TMPRSS2: variants seen among roughly 807,000 people sequenced by gnomAD.
The protein encoded by TMPRSS2 is transmembrane protease serine 2.
Under a neutral mutation model 67.4 loss-of-function variants are expected in TMPRSS2, and 59 were observed. The observed-to-expected ratio is 0.88, with a 90% confidence interval of 0.71 to 1.09. The LOEUF is 1.09. Among genes scored for constraint, TMPRSS2 ranks in the 50% least tolerant of loss-of-function variants. The pLI is 0.00. For synonymous variants in TMPRSS2, 257 were observed against 257.0 expected, an observed-to-expected ratio of 1.00 and a Z score of 0.00; for missense variants, 668 against 642.7, an observed-to-expected ratio of 1.04 and a Z score of -0.43.
Position 41,494,346 on chromosome 21 carries a change from A to G in TMPRSS2, c.238+10T>C. The G allele has an allele frequency of 6.2e-7, 1 of 1,611,578 alleles. No homozygotes were observed. The highest frequency in any genetic ancestry group is 8.5e-7 in the Non-Finnish European group (1 of 1,179,398). On this transcript the variant is annotated intron_variant, in intron 3 of 13. Coordinates refer to ENST00000332149, the MANE Select transcript of TMPRSS2 (RefSeq NM_005656.4). ...TTTATTACAGGAAATAAACACAAAG[A>G]GAATCCTACTTGAGGTGCACACTGT... is the stretch of plus-strand genomic sequence containing the variant.
intron 11 of TMPRSS2, among the ~76,000 whole-genome samples, chr21:41,469,694 C>T (rs936916288): frequency 6.6e-6 from 1 of 152,134 alleles, no homozygotes; most frequent in African/African-American, 2.4e-5. Flanking sequence ...TTTGGAAGTA[C>T]CTCGCTCAGT....
rs373480225 is a variant in TMPRSS2, at chr21:41,503,320, C to T, written c.-57+4761G>A. 1.4e-4 allele frequency among the ~76,000 whole-genome samples: 21 copies of T among 152,250 alleles called. No homozygotes were observed. In the South Asian group the frequency reaches 1.4e-3, roughly 11 times the overall value. The stretch of plus-strand genomic sequence containing the variant: ...GCAGAGGCCCTCAGGTCACTCCAGG[C>T]GGAGACTTCAACACCACACACAAGC... On this transcript the variant is annotated intron_variant, in intron 1 of 13. Transcript: ENST00000332149.
rs757302454 is a variant in TMPRSS2 at position 41,471,816 on chromosome 21, C to A, written c.1065G>T (p.Leu355=). The change falls in exon 10 of 14, where the codon CTG becomes CTT. Residue 355 remains leucine, a synonymous_variant. Transcript: ENST00000332149. ...CTGAGCCACACGTACCGTTGAAAGT[C>A]AGAGGCTTCTGCAGCTTCATCAGCG... ...DIALMKLQKP[L]TFNDLVKPVC... 1.2e-5 allele frequency: 19 copies of A among 1,602,146 alleles called. No individual in the cohort carries two copies. Among genetic ancestry groups the A allele is most frequent in the Non-Finnish European group, 1.5e-5 (18 of 1,171,520 alleles).
In TMPRSS2 at chr21:41,476,663, G is replaced by A. The variant is rs1456356545; in HGVS notation, c.684-43C>T. ...GAAATTCTGGTCACGATAGTGCGGAGTCACCTGCCTCTCACATGCTTAGAA... is the reference window on the plus strand; with the variant it reads ...GAAATTCTGGTCACGATAGTGCGGAATCACCTGCCTCTCACATGCTTAGAA... On this transcript the variant is annotated intron_variant, in intron 7 of 13. Coordinates refer to ENST00000332149, the MANE Select transcript of TMPRSS2 (RefSeq NM_005656.4). 2.6e-6 allele frequency: 4 copies of A among 1,541,506 alleles called. No individual in the cohort carries two copies. The South Asian group carries it at 4.5e-5, about 17-fold the overall frequency.
chr21:41,472,679 C>T (rs971984545), intron 9 of TMPRSS2, among the ~76,000 whole-genome samples: 5 of 152,182 alleles, frequency 3.3e-5, no homozygotes, highest in Admixed American at 6.5e-5. Context: ...TTGAGTGAAT[C>T]GTCTAAGGGC....
intron 5 of TMPRSS2, among the ~76,000 whole-genome samples, chr21:41,483,798 T>C: frequency 6.6e-6 from 1 of 151,820 alleles, no homozygotes; most frequent in East Asian, 1.9e-4. Context: ...TTAGGATTTT[T>C]TTTCTCAGCT....
chr21:41,507,911 C>T (rs1185169556), intron 1 of TMPRSS2, 170 bp downstream of exon 1: 5 of 1,493,416 alleles, frequency 3.3e-6, no homozygotes, highest in Non-Finnish European at 3.5e-6. Context: ...AGGCGCCCTG[C>T]CCGGCTGGCC....
intron 5 of TMPRSS2, among the ~76,000 whole-genome samples, chr21:41,483,638 C>T (rs1362828118): frequency 1.3e-5 from 2 of 151,584 alleles, no homozygotes; most frequent in Non-Finnish European, 1.5e-5. Flanking sequence ...GCCACTGTGG[C>T]TCAAAGGGAG....
chr21:41,469,878 G>A (rs1417338866), intron 11 of TMPRSS2, among the ~76,000 whole-genome samples: 1 of 152,118 alleles, frequency 6.6e-6, no homozygotes, highest in African/African-American at 2.4e-5. Flanking sequence ...AATATTTGTC[G>A]ATATTCCCTT....
At chr21:41,508,054 C>T (rs1601595829) in intron 1 of TMPRSS2, 27 bp downstream of exon 1, 8 of 1,294,604 alleles carry the variant, frequency 6.2e-6, no homozygotes, top group Non-Finnish European at 7.8e-6. Context: ...GACCCCGAGC[C>T]GGGACCCTGG....
At position 41,508,100 on chromosome 21, in the gene TMPRSS2, G is replaced by C. The variant is rs1239804106; in HGVS notation, c.-76C>G. 9.2e-6 allele frequency: 11 copies of C among 1,200,090 alleles called. No homozygotes were observed. In the East Asian group the frequency reaches 2.6e-4, roughly 28 times the overall value. 74.3% of individuals were successfully genotyped at this position (1,200,090 alleles called of 1,614,324 possible). ...GCTCACCTGCCGCGCTCCAGGCGGC[G>C]CTCCCCGCCCCTCGCCCTCCGCCTC... On this transcript the variant is annotated 5_prime_UTR_variant, in exon 1 of 14. Coordinates refer to ENST00000332149, the MANE Select transcript of TMPRSS2 (RefSeq NM_005656.4).
At chr21:41,489,366 G>A (rs2091319555) in intron 4 of TMPRSS2, 141 bp downstream of exon 4, 1 of 621,182 alleles carries the variant, frequency 1.6e-6, no homozygotes, top group Admixed American at 3.0e-5. Flanking sequence ...ACAAGAGAAG[G>A]GAAGAGAGAC....
rs559811756 is a variant in TMPRSS2 at position 41,464,414 on chromosome 21, G to A, written c.*1728C>T. Reference sequence around the variant, plus strand: ...TCCAACAGGACAGGCTGCAGGAACTGAGGGCACCAACCACAGGAGCACCAA... The same window carrying A: ...TCCAACAGGACAGGCTGCAGGAACTAAGGGCACCAACCACAGGAGCACCAA... On this transcript the variant is annotated 3_prime_UTR_variant, in exon 14 of 14. Coordinates refer to ENST00000332149, the MANE Select transcript of TMPRSS2 (RefSeq NM_005656.4). 4.0e-3 allele frequency: 741 copies of A among 186,914 alleles called. 5 individuals are homozygous for A. Among genetic ancestry groups the A allele is most frequent in the African/African-American group, 0.016 (689 of 42,892 alleles). 11.6% of individuals were successfully genotyped at this position (186,914 alleles called of 1,614,324 possible). A position where few individuals can be genotyped will look rare whatever the true frequency, so the allele number is the denominator to read the frequency against.
chr21:41,478,465 C>T lies in TMPRSS2; in HGVS notation c.683+707G>A, dbSNP rs2091232698. Among the ~76,000 whole-genome samples the T allele has an allele frequency of 6.6e-6, 1 of 152,222 alleles. No homozygotes were observed. The highest frequency in any genetic ancestry group is 2.1e-4 in the South Asian group (1 of 4,834). On this transcript the variant is annotated intron_variant, in intron 7 of 13. Coordinates refer to ENST00000332149, the MANE Select transcript of TMPRSS2 (RefSeq NM_005656.4). The surrounding 1 kb of genome is among the most constrained non-coding windows in gnomAD (Gnocchi z 4.0). ...TGTGTATCTTTCACATCAGAAAACACATAACAGCAACAATCATAGCAAGTC... is the reference window on the plus strand; with the variant it reads ...TGTGTATCTTTCACATCAGAAAACATATAACAGCAACAATCATAGCAAGTC...
rs1350029307 is a variant in TMPRSS2, at chr21:41,465,236, A to T, written c.*906T>A. On this transcript the variant is annotated 3_prime_UTR_variant, in exon 14 of 14. Transcript: ENST00000332149. ...CAGGAGCACTGAGGTAGCAATGTGT[A>T]GAAACATAACATGGAAACAGTGTAC... 1.3e-5 allele frequency: 3 copies of T among 233,688 alleles called. No individual in the cohort carries two copies. In the East Asian group the frequency reaches 1.8e-4, roughly 14 times the overall value. The allele number at this position is 233,688 out of a possible 1,614,324, so 14.5% of individuals were successfully genotyped here.
chr21:41,468,778 T>A, intron 11 of TMPRSS2: 5 of 486,194 alleles, frequency 1.0e-5, no homozygotes, highest in Non-Finnish European at 1.9e-5. Context: ...GGAAAGAAAT[T>A]CCCAGCTCTG....
chr21:41,466,401 G>T (rs1402109908), intron 13 of TMPRSS2, among the ~76,000 whole-genome samples: 1 of 152,220 alleles, frequency 6.6e-6, no homozygotes, highest in Non-Finnish European at 1.5e-5. Context: ...AGCAGAGTCT[G>T]GGCCTCCCCC....
chr21:41,481,576 G>A (rs2091257203), intron 5 of TMPRSS2, among the ~76,000 whole-genome samples: 1 of 152,174 alleles, frequency 6.6e-6, no homozygotes, highest in East Asian at 1.9e-4. Context: ...GCACATATTC[G>A]TGAATATATA....
chr21:41,493,590 G>T (rs1487917286), intron 3 of TMPRSS2, among the ~76,000 whole-genome samples: 1 of 152,224 alleles, frequency 6.6e-6, no homozygotes, highest in Admixed American at 6.5e-5. Flanking sequence ...TCAATTAAAA[G>T]ATCAATGTAA....
Sources: gnomAD v4.1 joint callset for allele counts (sites outside exome capture counted in the v4.1 genomes callset) on GRCh38, gnomAD v4.1.1 for gene constraint, Gnocchi (gnomAD v3.1) non-coding constraint, MANE v1.5 for transcripts, NCBI Gene and HGNC (gene_info 2026-07-23, HGNC 2026-07-21) for gene names.